Variants in ACAP3 observed in about 807,000 individuals in gnomAD.
ACAP3 encodes arf-GAP with coiled-coil, ANK repeat and PH domain-containing protein 3.
ACAP3 carries 56 observed loss-of-function variants against 104.1 expected under a neutral mutation model. That is an observed-to-expected ratio of 0.54 (90% CI 0.43 to 0.67). The LOEUF (loss-of-function observed/expected upper bound fraction) is 0.67. Ranked by LOEUF, ACAP3 falls within the 30% of genes least tolerant of loss-of-function variation. ACAP3 has a pLI of 0.00. For missense variants in ACAP3, 1,208 were observed against 1,174.9 expected, an observed-to-expected ratio of 1.03 and a Z score of -0.41; for synonymous variants, 628 against 496.2, an observed-to-expected ratio of 1.27 and a Z score of -3.53.
Position 1,307,895 on chromosome 1 carries a change from C to A in ACAP3, c.-80G>T. 1 of 827,238 alleles carries A rather than the reference C, an allele frequency of 1.2e-6. No homozygotes were observed. Among genetic ancestry groups the A allele is most frequent in the Non-Finnish European group, 1.5e-6 (1 of 687,084 alleles). The allele number at this position is 827,238 out of a possible 1,614,324, so 51.2% of individuals were successfully genotyped here. ...CCGCGCCGGCCCGGACCGCTCGTCC[C>A]GCCCGCGCCGCCTCGGCGCCCGCCC... On this transcript the variant is annotated 5_prime_UTR_variant, in exon 1 of 24. Transcript: ENST00000354700.
At position 1,295,733 on chromosome 1, in the gene ACAP3, C is replaced by T. The variant is rs754926823; in HGVS notation, c.1705+3G>A. The T allele has an allele frequency of 6.3e-7, 1 of 1,595,520 alleles. No individual in the cohort carries two copies. Among genetic ancestry groups the T allele is most frequent in the Non-Finnish European group, 8.5e-7 (1 of 1,171,928 alleles). On this transcript the variant is annotated splice_donor_region_variant and intron_variant, in intron 18 of 23. Coordinates refer to ENST00000354700, the MANE Select transcript of ACAP3 (RefSeq NM_030649.3). ...CCAGCCCTGCCGGGGCATGGCCTCC[C>T]ACCTGAGGACAGAGCGGCCACACAG...
intron 5 of ACAP3, chr1:1,301,769 T>A: frequency 5.1e-6 from 2 of 395,664 alleles, no homozygotes; most frequent in South Asian, 7.1e-5. Context: ...GGACTGGACC[T>A]CTCTGCTGTG....
intron 14 of ACAP3, 94 bp downstream of exon 14, chr1:1,297,728 G>A: frequency 8.7e-7 from 1 of 1,148,220 alleles, no homozygotes; most frequent in Non-Finnish European, 1.2e-6. Flanking sequence ...CATCCCCGGT[G>A]GCACGTGTGT....
Position 1,296,355 on chromosome 1 carries a change from G to C in ACAP3, c.1337+70C>G, listed in dbSNP as rs1402671139. On this transcript the variant is annotated intron_variant, in intron 15 of 23. Coordinates refer to ENST00000354700, the MANE Select transcript of ACAP3 (RefSeq NM_030649.3). ...CCGGCCCAACCCCCACCCCCGGCCT[G>C]GCCCTCAGGGGCCCACCTGTGGATG... The C allele has an allele frequency of 4.6e-5, 70 of 1,533,964 alleles. No individual in the cohort carries two copies. In the East Asian group the frequency reaches 1.6e-3, roughly 35 times the overall value.
rs967786877 is a variant in ACAP3, at chr1:1,295,508, G to C, written c.1752C>G (p.Pro584=). 3.1e-6 allele frequency: 5 copies of C among 1,612,648 alleles called. No individual in the cohort carries two copies. The highest frequency in any genetic ancestry group is 1.1e-5 in the South Asian group (1 of 91,084). ...AGGAGAAGAGCGAGTCCAGCTCGTC[G>C]GGACAGAAGAGGGAGTCTCGGCGGA... The part of the protein sequence containing the change: ...RKFRRDSLFC[P]DELDSLFSYF... Residue 584 remains proline (P), a synonymous_variant, in exon 19 of 24, where the codon CCC becomes CCG. Transcript: ENST00000354700.
At chr1:1,302,070 T>A (rs2100463348) in intron 4 of ACAP3, 24 bp from the exon 5 acceptor site, 1 of 1,492,548 alleles carries the variant, frequency 6.7e-7, no homozygotes, top group Non-Finnish European at 9.0e-7. Context: ...CGGGCAGAGA[T>A]CCTTGGGGTC....
At chr1:1,300,843 C>T (rs1281295500) in intron 5 of ACAP3, 151 bp from the exon 6 acceptor site, 15 of 749,252 alleles carry the variant, frequency 2.0e-5, no homozygotes, top group Admixed American at 3.3e-5. Flanking sequence ...GCTGTCTCGG[C>T]TCACCGCAAT....
In ACAP3 at chr1:1,297,866, T is replaced by C. The variant is rs749874984; in HGVS notation, c.1084A>G (p.Ile362Val). Residue 362 changes from isoleucine (I) to valine (V), a missense_variant, in exon 14 of 24, where the codon ATC becomes GTC. Physicochemically the swap from Ile to Val is conservative, Grantham distance 29 (BLOSUM62 3). Transcript: ENST00000354700. ...QAWVQAVQAS[I>V]ASAYRESPDS... ...GGGCTCTCGCGGTAGGCGGAGGCGA[T>C]GCTGGCCTGCACAGCCTGGACCCAG... 7.4e-6 allele frequency: 12 copies of C among 1,611,862 alleles called. No homozygotes were observed. The highest frequency in any genetic ancestry group is 3.3e-4 in the Middle Eastern group (2 of 6,040).
At chr1:1,296,134 C>G (rs376304551) in intron 16 of ACAP3, 25 bp from the exon 17 acceptor site, 11 of 1,612,076 alleles carry the variant, frequency 6.8e-6, no homozygotes, top group Non-Finnish European at 9.3e-6. Context: ...GGCGAGCAGG[C>G]ATCAGTGCGA....
Position 1,295,474 on chromosome 1 carries a change from C to T in ACAP3, c.1786G>A (p.Ala596Thr), listed in dbSNP as rs1354086912. 3.1e-6 allele frequency: 5 copies of T among 1,612,584 alleles called. No individual in the cohort carries two copies. The highest frequency in any genetic ancestry group is 1.7e-4 in the Middle Eastern group (1 of 6,058). ...CGAGGGCCAGCCCCTGCGGCCCCTGCGTCGAAGTAGGAGAAGAGCGAGTCC... is the reference window on the plus strand; with the variant it reads ...CGAGGGCCAGCCCCTGCGGCCCCTGTGTCGAAGTAGGAGAAGAGCGAGTCC... ...ELDSLFSYFD[A>T]GAAGAGPRSL... Residue 596 changes from alanine (A) to threonine (T), a missense_variant, in exon 19 of 24, where the codon GCA (alanine) becomes ACA (threonine). Transcript: ENST00000354700.
At chr1:1,302,570 C>T (rs1641490620) in intron 4 of ACAP3, among the ~76,000 whole-genome samples, 1 of 152,194 alleles carries the variant, frequency 6.6e-6, no homozygotes, top group Non-Finnish European at 1.5e-5. Context: ...AGCCCCACAT[C>T]TCACGGGTGC....
At chr1:1,295,660 G>T (rs1641099964) in intron 18 of ACAP3, 76 bp downstream of exon 18, 12 of 1,550,124 alleles carry the variant, frequency 7.7e-6, no homozygotes, top group Non-Finnish European at 1.0e-5. Context: ...CCAGAGCCCT[G>T]CCACCAGCCC....
At chr1:1,298,527 CGCCT>C in intron 11 of ACAP3, 36 bp downstream of exon 11, 8 of 1,424,072 alleles carry the variant, frequency 5.6e-6, no homozygotes, top group Non-Finnish European at 7.6e-6. Context: ...ACCCCACCCC[CGCCT>C]AAGGACCCCG....
Position 1,302,057 on chromosome 1 carries a change from AG to A in ACAP3, c.280-12del. The stretch of plus-strand genomic sequence containing the variant: ...CTGGTCAAACAGGATCTGGGGGCAG[AG>A]GCGGGCAGAGATCCTTGGGGTCTGT... On this transcript the variant is annotated splice_polypyrimidine_tract_variant and intron_variant, in intron 4 of 23. Coordinates refer to ENST00000354700, the MANE Select transcript of ACAP3 (RefSeq NM_030649.3). 6.6e-7 allele frequency: 1 copy of A among 1,525,454 alleles called. No individual in the cohort carries two copies. Among genetic ancestry groups the A allele is most frequent in the South Asian group, 1.2e-5 (1 of 81,222 alleles). The allele number at this position is 1,525,454 out of a possible 1,614,324, so 94.5% of individuals were successfully genotyped here.
rs1177371305 is a variant in ACAP3 at position 1,294,667 on chromosome 1, G to C, written c.1913-39C>G. 12 of 1,539,874 alleles carry C rather than the reference G, an allele frequency of 7.8e-6. No homozygotes were observed. In the African/African-American group the frequency reaches 1.7e-4, roughly 21 times the overall value. ...GCGGTCAGGGAAAGCAACCCCCGGG[G>C]CTGCCCAGGGGCTGGGCAGGGGCCT... is the stretch of plus-strand genomic sequence containing the variant. On this transcript the variant is annotated intron_variant, in intron 20 of 23. Coordinates refer to ENST00000354700, the MANE Select transcript of ACAP3 (RefSeq NM_030649.3).
chr1:1,292,981 G>C lies in ACAP3; in HGVS notation c.*583C>G, dbSNP rs983163862. The C allele has an allele frequency of 6.6e-6, 1 of 152,394 alleles. No individual in the cohort carries two copies. The highest frequency in any genetic ancestry group is 2.4e-5 in the African/African-American group (1 of 41,586). 9.4% of individuals were successfully genotyped at this position (152,394 alleles called of 1,614,324 possible). On this transcript the variant is annotated 3_prime_UTR_variant, in exon 24 of 24. Coordinates refer to ENST00000354700, the MANE Select transcript of ACAP3 (RefSeq NM_030649.3). ...GGCTGTCTGGCACGGGGACCTTCGTGGCCAGCCACGTGGCCTTGGGACGCC... is the reference window on the plus strand; with the variant it reads ...GGCTGTCTGGCACGGGGACCTTCGTCGCCAGCCACGTGGCCTTGGGACGCC...
chr1:1,304,232 A>G, intron 1 of ACAP3, 89 bp from the exon 2 acceptor site: 1 of 1,477,648 alleles, frequency 6.8e-7, no homozygotes, highest in African/African-American at 1.4e-5. Context: ...GAGGGGCTCC[A>G]CCATGGGAAG....
Position 1,303,230 on chromosome 1 carries a change from T to C in ACAP3, c.157A>G (p.Thr53Ala). The C allele has an allele frequency of 6.2e-7, 1 of 1,606,356 alleles. No individual in the cohort carries two copies. The highest frequency in any genetic ancestry group is 2.2e-5 in the East Asian group (1 of 44,574). Residue 53 changes from threonine (T) to alanine (A), a missense_variant, in exon 3 of 24, where the codon ACC becomes GCC. Physicochemically the swap from Thr to Ala is moderately conservative, Grantham distance 58. Transcript: ENST00000354700. This position sits in a 1 kb window ranked among gnomAD's most constrained non-coding sequence, Gnocchi z 4.0. ...MVEAGKAYVSTSRLFVSGVRD... is the reference protein window; with the variant it reads ...MVEAGKAYVSASRLFVSGVRD... The stretch of plus-strand genomic sequence containing the variant: ...ACGCCGCTCACGAAAAGCCTGCTGG[T>C]GCTGACGTAGGCCTTACCGGCTTCC...
At chr1:1,297,347 T>G (rs1302484271) in intron 14 of ACAP3, among the ~76,000 whole-genome samples, 5 of 4,866 alleles carry the variant, frequency 1.0e-3, no homozygotes, top group Admixed American at 1.3e-3. Flanking sequence ...GTGCACGGGC[T>G]TGGGGCAGGG....
Sources: allele counts gnomAD v4.1 joint callset (sites outside exome capture counted in the v4.1 genomes callset), GRCh38; gene constraint gnomAD v4.1.1; non-coding constraint Gnocchi (gnomAD v3.1); transcripts MANE v1.5; gene names NCBI Gene and HGNC (gene_info 2026-07-23, HGNC 2026-07-21).